The following PAH variants were observed in gnomAD, a reference collection of about 807,000 sequenced individuals.
The protein encoded by PAH is phenylalanine hydroxylase.
In PAH, 64 loss-of-function variants were observed where a neutral mutation model predicts 62.0. The observed-to-expected ratio is 1.03, with a 90% confidence interval of 0.84 to 1.27. The LOEUF is 1.27. Ranked by LOEUF, PAH falls within the 50% of genes most tolerant of loss-of-function variation. The probability of loss-of-function intolerance (pLI) is 0.00; values close to 1 mark genes in which losing one functional copy is unlikely to be tolerated. For missense variants in PAH, 579 were observed against 542.8 expected (o/e 1.07, Z -0.66); for synonymous variants, 195 against 196.2 (o/e 0.99, Z 0.05).
At chr12:102,926,749 C>T (rs755102155) in intron 1 of PAH, among the ~76,000 whole-genome samples, 10 of 151,928 alleles carry the variant, frequency 6.6e-5, no homozygotes, top group Non-Finnish European at 1.2e-4. Flanking sequence ...ATAAATACTC[C>T]AAGAAGATTA....
chr12:102,873,328 G>A (rs1876434995), intron 4 of PAH, among the ~76,000 whole-genome samples: 1 of 152,234 alleles, frequency 6.6e-6, no homozygotes, highest in Non-Finnish European at 1.5e-5. Context: ...AAACTTCCCA[G>A]AAGCAATTCT....
At chr12:102,885,930 A>T (rs58241375) in intron 3 of PAH, 33,461 of 152,470 alleles carry the variant, frequency 0.22, 4,778 homozygotes, top group African/African-American at 0.37. Flanking sequence ...AGGCTCCCGG[A>T]TGTCTCCTCT....
intron 1 of PAH, among the ~76,000 whole-genome samples, chr12:102,915,939 A>G (rs1394223410): frequency 1.3e-5 from 2 of 152,166 alleles, no homozygotes; most frequent in East Asian, 1.9e-4. Context: ...TAAGTGCTCT[A>G]TAAAGAACTT....
intron 4 of PAH, among the ~76,000 whole-genome samples, chr12:102,875,529 T>A (rs567431317): frequency 6.6e-6 from 1 of 152,158 alleles, no homozygotes; most frequent in African/African-American, 2.4e-5. Context: ...ACAGAGTTGA[T>A]GGCTAAGAGG....
intron 11 of PAH, among the ~76,000 whole-genome samples, chr12:102,841,510 C>T (rs1874594412): frequency 6.6e-6 from 1 of 152,116 alleles, no homozygotes; most frequent in African/African-American, 2.4e-5. Flanking sequence ...CTCTTCTGTA[C>T]CCCAATTTCC....
At chr12:102,956,376 G>A (rs1329643178) in intron 1 of PAH, among the ~76,000 whole-genome samples, 3 of 152,196 alleles carry the variant, frequency 2.0e-5, no homozygotes, top group Non-Finnish European at 4.4e-5. Flanking sequence ...CGCCAGGGCC[G>A]AAGGCCCAGG....
At chr12:102,873,100 G>T (rs1876422668) in intron 4 of PAH, among the ~76,000 whole-genome samples, 1 of 152,050 alleles carries the variant, frequency 6.6e-6, no homozygotes, top group African/African-American at 2.4e-5. Flanking sequence ...CTCCAGTGCA[G>T]CTGCCAGGTA....
At chr12:102,900,139 T>C (rs148506538) in intron 2 of PAH, among the ~76,000 whole-genome samples, 15,334 of 143,574 alleles carry the variant, frequency 0.11, 957 homozygotes, top group East Asian at 0.15. Flanking sequence ...AAGCTCCGCC[T>C]CCCAGGTTCA....
At chr12:102,842,709 A>C (rs951854759) in intron 11 of PAH, among the ~76,000 whole-genome samples, 1 of 152,030 alleles carries the variant, frequency 6.6e-6, no homozygotes, top group African/African-American at 2.4e-5. Context: ...TTCCTCCCTC[A>C]TGTCTCTCTT....
Position 102,866,651 on chromosome 12 carries a change from G to A in PAH, c.454C>T (p.Pro152Ser). 1 of 1,613,590 alleles carries A rather than the reference G, an allele frequency of 6.2e-7. No homozygotes were observed. Among genetic ancestry groups the A allele is most frequent in the African/African-American group, 1.3e-5 (1 of 74,994 alleles). The change falls in exon 5 of 13, where the codon CCT becomes TCT. Residue 152 changes from proline (P) to serine (S), a missense_variant. By Grantham distance (74) the Pro-to-Ser change is moderately conservative (BLOSUM62 -1). Coordinates refer to ENST00000553106, the MANE Select transcript of PAH (RefSeq NM_000277.3). ...LDADHPGFKD[P>S]VYRARRKQFA... ...TGCTTCCGTCTTGCACGGTACACAG[G>A]ATCTTTAAAACCCTAGGAGAAAAGA... is the stretch of plus-strand genomic sequence containing the variant.
At chr12:102,933,326 A>G (rs1390956094) in intron 1 of PAH, among the ~76,000 whole-genome samples, 1 of 152,210 alleles carries the variant, frequency 6.6e-6, no homozygotes, top group Non-Finnish European at 1.5e-5. Flanking sequence ...TTTATGGCTG[A>G]ATAGTACTCC....
chr12:102,926,948 C>T (rs969876292), intron 1 of PAH, among the ~76,000 whole-genome samples: 4 of 146,392 alleles, frequency 2.7e-5, no homozygotes, highest in African/African-American at 5.1e-5. Flanking sequence ...TGATAATTAG[C>T]AAGCACTGTT....
chr12:102,851,051 T>G (rs1469823680), intron 8 of PAH, among the ~76,000 whole-genome samples: 4 of 146,378 alleles, frequency 2.7e-5, no homozygotes, highest in African/African-American at 1.0e-4. Context: ...ACCACTGCAC[T>G]CCAGTCCAGC....
chr12:102,903,984 A>G (rs566677712), intron 2 of PAH, among the ~76,000 whole-genome samples: 1 of 152,210 alleles, frequency 6.6e-6, no homozygotes, highest in Non-Finnish European at 1.5e-5. Context: ...ATGAGCTAGT[A>G]GAGGCTAAAA....
chr12:102,860,308 T>A (rs1875658768), intron 5 of PAH, among the ~76,000 whole-genome samples: 1 of 151,488 alleles, frequency 6.6e-6, no homozygotes, highest in Non-Finnish European at 1.5e-5. Flanking sequence ...AACTTGTAGT[T>A]GAACCACTGT....
intron 1 of PAH, among the ~76,000 whole-genome samples, chr12:102,956,966 A>G (rs1593011240): frequency 6.6e-6 from 1 of 152,180 alleles, no homozygotes; most frequent in East Asian, 1.9e-4. Flanking sequence ...TGCCACTTCG[A>G]GGAGCCACAG....
chr12:102,885,189 C>T (rs1876980753), intron 3 of PAH, among the ~76,000 whole-genome samples: 1 of 152,180 alleles, frequency 6.6e-6, no homozygotes, highest in South Asian at 2.1e-4. Flanking sequence ...CTGCCCCATC[C>T]TGAGCATCCC....
upstream of PAH, among the ~76,000 whole-genome samples, chr12:102,920,481 T>A (rs1359311322): frequency 6.6e-6 from 1 of 152,246 alleles, no homozygotes; most frequent in East Asian, 1.9e-4. Context: ...AGTTGAAGAT[T>A]ACCCAACCAT....
intron 2 of PAH, among the ~76,000 whole-genome samples, chr12:102,895,869 A>ATATATATAT (rs1555208129): frequency 9.3e-4 from 110 of 118,678 alleles, no homozygotes; most frequent in African/African-American, 3.3e-3. Context: ...AAAAAAAAAA[A>ATATATATAT]ATATATATAT....
Sources: gnomAD v4.1 joint callset for allele counts (sites outside exome capture counted in the v4.1 genomes callset) on GRCh38, gnomAD v4.1.1 for gene constraint, MANE v1.5 for transcripts, NCBI Gene and HGNC (gene_info 2026-07-23, HGNC 2026-07-21) for gene names.